The following AIDA variants were observed in gnomAD, a reference collection of about 807,000 sequenced individuals.
AIDA encodes axin interactor, dorsalization associated.
Under a neutral mutation model 42.7 loss-of-function variants are expected in AIDA, and 18 were observed. The observed-to-expected ratio is 0.42, with a 90% confidence interval of 0.29 to 0.63. The LOEUF is 0.63. AIDA is among the 20% of genes least tolerant of loss of function. The pLI, the probability that AIDA is intolerant of heterozygous loss-of-function variation, is 0.19. For synonymous variants in AIDA, 104 were observed against 122.9 expected (o/e 0.85, Z 1.02); for missense variants, 250 against 354.1 (o/e 0.71, Z 2.36).
At position 222,712,409 on chromosome 1, in the gene AIDA, A is replaced by T; in HGVS notation, c.-92T>A. 1 of 1,445,714 alleles carries T rather than the reference A, an allele frequency of 6.9e-7. No homozygotes were observed. Among genetic ancestry groups the T allele is most frequent in the Non-Finnish European group, 9.1e-7 (1 of 1,099,522 alleles). The allele number at this position is 1,445,714 out of a possible 1,614,324, so 89.6% of individuals were successfully genotyped here. A position where few individuals can be genotyped will look rare whatever the true frequency, so the allele number is the denominator to read the frequency against. On this transcript the variant is annotated 5_prime_UTR_variant, in exon 1 of 10. Coordinates refer to ENST00000340020, the MANE Select transcript of AIDA (RefSeq NM_022831.4). The stretch of plus-strand genomic sequence containing the variant: ...CCCCCGGCCTGGCCCCGACATTAAC[A>T]GGGCCAGGAGGAACCGCTACGGCCA...
intron 1 of AIDA, among the ~76,000 whole-genome samples, chr1:222,707,396 A>T (rs1655872961): frequency 6.6e-6 from 1 of 152,138 alleles, no homozygotes; most frequent in African/African-American, 2.4e-5. Flanking sequence ...GAGCTCAAGC[A>T]TTCTACCCAT....
intron 4 of AIDA, among the ~76,000 whole-genome samples, chr1:222,692,105 A>T (rs776976201): frequency 6.6e-5 from 10 of 152,210 alleles, no homozygotes; most frequent in African/African-American, 9.6e-5. Flanking sequence ...CAGGGATTCC[A>T]ATGTCCTTTA....
intron 2 of AIDA, among the ~76,000 whole-genome samples, chr1:222,698,743 GC>G (rs1399461755): frequency 6.6e-6 from 1 of 152,068 alleles, no homozygotes; most frequent in African/African-American, 2.4e-5. Context: ...GAGCCACCAC[GC>G]CTGGCCCATC....
intron 2 of AIDA, among the ~76,000 whole-genome samples, chr1:222,696,142 T>A (rs1233732659): frequency 6.6e-6 from 1 of 152,218 alleles, no homozygotes; most frequent in Non-Finnish European, 1.5e-5. Context: ...TCTGAAAACT[T>A]ACATTTAAAG....
At chr1:222,693,361 A>G (rs1655426775) in intron 4 of AIDA, among the ~76,000 whole-genome samples, 1 of 152,194 alleles carries the variant, frequency 6.6e-6, no homozygotes, top group South Asian at 2.1e-4. Flanking sequence ...ACTTCAAAAG[A>G]GTTTTAAGGA....
intron 1 of AIDA, among the ~76,000 whole-genome samples, chr1:222,708,661 C>A (rs1282237818): frequency 6.6e-6 from 1 of 152,082 alleles, no homozygotes; most frequent in Non-Finnish European, 1.5e-5. Flanking sequence ...AGCCACCACA[C>A]CCAACCAGTT....
chr1:222,691,610 C>T (rs1394719714), intron 4 of AIDA, among the ~76,000 whole-genome samples: 1 of 151,994 alleles, frequency 6.6e-6, no homozygotes, highest in Non-Finnish European at 1.5e-5. Context: ...TAAGAACATC[C>T]TTTCTAAACT....
At chr1:222,681,765 G>A (rs535281524) in intron 6 of AIDA, among the ~76,000 whole-genome samples, 5 of 152,326 alleles carry the variant, frequency 3.3e-5, no homozygotes, top group Admixed American at 1.3e-4. Flanking sequence ...CCACCATGGG[G>A]AGGGGATGTG....
At position 222,673,319 on chromosome 1, in the gene AIDA, T is replaced by G; in HGVS notation, c.700A>C (p.Thr234Pro). Residue 234 changes from threonine (T) to proline (P), a missense_variant, in exon 8 of 10, where the codon ACC (threonine) becomes CCC (proline). By Grantham distance (38) the Thr-to-Pro change is conservative. Transcript: ENST00000340020. ...ATTATTTAGGATTACAAACCTTTGG[T>G]TAATTTTTCAACATGCTTCTGGAGC... The part of the protein sequence containing the change: ...IELQKHVEKL[T>P]KGAAIFFEFK... 5 of 1,604,012 alleles carry G rather than the reference T, an allele frequency of 3.1e-6. No homozygotes were observed.
rs76551296 is a variant in AIDA, at chr1:222,710,651, G to C, written c.110+1557C>G. Among the ~76,000 whole-genome samples, 854 of 152,278 alleles carry C rather than the reference G, an allele frequency of 5.6e-3. 44 individuals carry two copies. In the East Asian group the frequency reaches 0.13, roughly 24 times the overall value. On this transcript the variant is annotated intron_variant, in intron 1 of 9. Coordinates refer to ENST00000340020, the MANE Select transcript of AIDA (RefSeq NM_022831.4). ...AGTAATAAAGAAAATCTTATCATTT[G>C]TCTAATTCACTTACAGAATTACTCT...
rs1655298196 is a variant in AIDA at position 222,689,502 on chromosome 1, TATATATATATATATATATACACACATAC to T, written c.290-1872_290-1845del. Among the ~76,000 whole-genome samples, 4 of 70,580 alleles carry T rather than the reference TATATATATATATATATATACACACATAC, an allele frequency of 5.7e-5. No individual in the cohort carries two copies. The Admixed American group carries it at 6.0e-4, about 11-fold the overall frequency. The allele number at this position is 70,580 out of a possible 152,430, so 46.3% of individuals were successfully genotyped here. On this transcript the variant is annotated intron_variant, in intron 4 of 9. Transcript: ENST00000340020. ...GTGTGTATATATATATATATATATA[TATATATATATATATATATACACACATAC>T]ACACACACACATATATATACATATA...
chr1:222,701,446 T>G (rs146120346), intron 2 of AIDA, among the ~76,000 whole-genome samples: 109 of 152,350 alleles, frequency 7.2e-4, no homozygotes, highest in African/African-American at 2.5e-3. Context: ...GTTTCCATAT[T>G]CATAACACAT....
intron 6 of AIDA, among the ~76,000 whole-genome samples, chr1:222,677,756 C>T (rs1294462805): frequency 6.6e-6 from 1 of 151,846 alleles, no homozygotes; most frequent in Non-Finnish European, 1.5e-5. Flanking sequence ...AAAAAAAAAT[C>T]ACTCAATAGT....
intron 6 of AIDA, among the ~76,000 whole-genome samples, chr1:222,679,721 T>C (rs538694631): frequency 6.6e-5 from 10 of 152,320 alleles, no homozygotes; most frequent in African/African-American, 1.9e-4. Context: ...CACACCTCAT[T>C]TGGCCATTTC....
At chr1:222,694,946 G>A (rs1243439946) in intron 2 of AIDA, among the ~76,000 whole-genome samples, 2 of 152,168 alleles carry the variant, frequency 1.3e-5, no homozygotes, top group Admixed American at 6.5e-5. Flanking sequence ...AACAAGATCT[G>A]TATTAGGAAT....
At chr1:222,671,854 TCTC>T (rs970937726) in intron 8 of AIDA, among the ~76,000 whole-genome samples, 1 of 152,152 alleles carries the variant, frequency 6.6e-6, no homozygotes, top group Non-Finnish European at 1.5e-5. Context: ...AGGAAACCCA[TCTC>T]CTCCTCATGA....
At chr1:222,694,526 G>A (rs2124962176) in intron 2 of AIDA, among the ~76,000 whole-genome samples, 1 of 152,290 alleles carries the variant, frequency 6.6e-6, no homozygotes, top group South Asian at 2.1e-4. Flanking sequence ...GACAGCTGTA[G>A]ATATGATTTA....
intron 4 of AIDA, among the ~76,000 whole-genome samples, chr1:222,689,580 TACAC>T (rs528891739): frequency 0.026 from 3,463 of 132,772 alleles, 190 homozygotes; most frequent in African/African-American, 0.088. Context: ...TATATATATA[TACAC>T]ACACACACAC....
chr1:222,699,286 T>C (rs1321628585), intron 2 of AIDA, among the ~76,000 whole-genome samples: 2 of 152,252 alleles, frequency 1.3e-5, no homozygotes, highest in African/African-American at 4.8e-5. Context: ...CAATTTTGCT[T>C]AGCATAATGT....
Sources: gnomAD v4.1 joint callset for allele counts (sites outside exome capture counted in the v4.1 genomes callset) on GRCh38, gnomAD v4.1.1 for gene constraint, MANE v1.5 for transcripts, NCBI Gene and HGNC (gene_info 2026-07-23, HGNC 2026-07-21) for gene names.